FBN3: variants seen among roughly 807,000 people sequenced by gnomAD.
The protein encoded by FBN3 is fibrillin-3.
A neutral mutation model predicts 330.1 loss-of-function variants in FBN3; 234 were observed. The ratio of observed to expected loss-of-function variants is 0.71; its 90% CI spans 0.64 to 0.79. The LOEUF (loss-of-function observed/expected upper bound fraction) is 0.79. Ranked by LOEUF, FBN3 falls within the 30% of genes least tolerant of loss-of-function variation. The pLI is 0.00. For synonymous variants in FBN3, 1,458 were observed against 1,517.3 expected (o/e 0.96, Z 0.91); for missense variants, 3,606 against 3,886.9 (o/e 0.93, Z 1.92).
intron 63 of FBN3, among the ~76,000 whole-genome samples, chr19:8,067,930 G>A (rs1182062381): frequency 6.6e-6 from 1 of 151,954 alleles, no homozygotes; most frequent in Non-Finnish European, 1.5e-5. Context: ...CAGGTGTGGT[G>A]TTGCACACCT....
chr19:8,067,315 A>C (rs969228575), intron 63 of FBN3, among the ~76,000 whole-genome samples: 5 of 151,842 alleles, frequency 3.3e-5, no homozygotes, highest in Admixed American at 3.3e-4. Context: ...CAGTAGAGAC[A>C]GGGTTTCACT....
chr19:8,080,383 C>A (rs941100546), intron 59 of FBN3, among the ~76,000 whole-genome samples: 1 of 152,186 alleles, frequency 6.6e-6, no homozygotes, highest in Non-Finnish European at 1.5e-5. Context: ...CTGATTTCCT[C>A]CTGGGACTAT....
chr19:8,135,936 G>GTGCC, intron 13 of FBN3, 25 bp downstream of exon 13: 6 of 668,778 alleles, frequency 9.0e-6, no homozygotes, highest in South Asian at 3.2e-5. Flanking sequence ...GGAAGCCCCT[G>GTGCC]CCCACCCGCC....
In FBN3 at chr19:8,085,530, G is replaced by A; in HGVS notation, c.6920C>T (p.Thr2307Ile). ...GCTGCTGGACAGAGACCGGCACATG[G>A]TCTGCAGCACCTCGGCAAAGCAGGG... ...QGPCFAEVLQ[T>I]MCRSLSSSSE... The change falls in exon 56 of 64, where the codon ACC becomes ATC. Residue 2307 changes from threonine (T) to isoleucine (I), a missense_variant. By Grantham distance (89) the Thr-to-Ile change is moderately conservative (BLOSUM62 -1). Transcript: ENST00000600128. 6.3e-7 allele frequency: 1 copy of A among 1,592,354 alleles called. No homozygotes were observed. Among genetic ancestry groups the A allele is most frequent in the South Asian group, 1.1e-5 (1 of 87,722 alleles).
In FBN3 at chr19:8,073,047, C is replaced by T; in HGVS notation, c.7937+16G>A. The T allele has an allele frequency of 6.3e-7, 1 of 1,576,192 alleles. No individual in the cohort carries two copies. Among genetic ancestry groups the T allele is most frequent in the Non-Finnish European group, 8.7e-7 (1 of 1,154,886 alleles). ...TGCGGGGCATGGAGTCTGCTTGCCC[C>T]ACTCCAGCCTCTCACCCTTGCCCAG... On this transcript the variant is annotated intron_variant, in intron 62 of 63. Transcript: ENST00000600128.
intron 59 of FBN3, among the ~76,000 whole-genome samples, chr19:8,079,584 T>G (rs2081725596): frequency 9.0e-6 from 1 of 110,932 alleles, no homozygotes; most frequent in African/African-American, 4.4e-5. Context: ...CACACTATTC[T>G]GTTAATTGTT....
In FBN3 at chr19:8,069,534, CTT is replaced by C. The variant is rs2081467021; in HGVS notation, c.8088+2512_8088+2513del. Among the ~76,000 whole-genome samples, 8 of 152,138 alleles carry C rather than the reference CTT, an allele frequency of 5.3e-5. No homozygotes were observed. The South Asian group carries it at 1.7e-3, about 32-fold the overall frequency. ...TTCTTCCCACGGAATGTTGTTAAGA[CTT>C]ATGCTCTTACTGACCCCTGCTGGCA... On this transcript the variant is annotated intron_variant, in intron 63 of 63. Coordinates refer to ENST00000600128, the MANE Select transcript of FBN3 (RefSeq NM_032447.5).
At chr19:8,102,955 T>C in intron 39 of FBN3, 82 bp from the exon 40 acceptor site, 1 of 1,366,110 alleles carries the variant, frequency 7.3e-7, no homozygotes, top group Non-Finnish European at 1.0e-6. Flanking sequence ...TAGGAACTCC[T>C]TAACTGATTC....
At chr19:8,148,536 T>C (rs1177654591) in intron 1 of FBN3, among the ~76,000 whole-genome samples, 1 of 151,926 alleles carries the variant, frequency 6.6e-6, no homozygotes, top group Admixed American at 6.6e-5. Flanking sequence ...CTTGGCTGGG[T>C]CTTTCCTGGG....
chr19:8,094,224 T>C (rs2144717644), intron 47 of FBN3, among the ~76,000 whole-genome samples: 1 of 152,306 alleles, frequency 6.6e-6, no homozygotes, highest in South Asian at 2.1e-4. Context: ...CCCATGTCAA[T>C]TTATAGGATT....
chr19:8,144,993 T>C, intron 5 of FBN3, 21 bp from the exon 6 acceptor site: 2 of 1,591,176 alleles, frequency 1.3e-6, no homozygotes, highest in Non-Finnish European at 1.7e-6. Context: ...GAGAGGGTGA[T>C]GGCTGGAGGT....
At chr19:8,123,396 C>T (rs1478635812) in intron 24 of FBN3, 68 bp downstream of exon 24, 20 of 1,514,940 alleles carry the variant, frequency 1.3e-5, no homozygotes, top group African/African-American at 5.5e-5. Flanking sequence ...GTTGTCTCTA[C>T]GTCTTATTTG....
rs181718091 is a variant in FBN3, at chr19:8,089,939, G to C, written c.6205C>G (p.Pro2069Ala). Reference protein sequence around the residue: ...EGSAAFQELCPFGHGAVPGPD... With the variant: ...EGSAAFQELCAFGHGAVPGPD... ...CCTGGGACTGCCCCGTGGCCAAAGG[G>C]GCAGAGCTCCTGAAAGGCAGCTGGA... The change falls in exon 50 of 64, where the codon CCC becomes GCC. Residue 2069 changes from proline to alanine, a missense_variant. Physicochemically the swap from Pro to Ala is conservative, Grantham distance 27 (BLOSUM62 -1). Transcript: ENST00000600128. 47 of 1,610,190 alleles carry C rather than the reference G, an allele frequency of 2.9e-5. No homozygotes were observed. Among genetic ancestry groups the C allele is most frequent in the East Asian group, 2.2e-5 (1 of 44,810 alleles).
rs1469884058 is a variant in FBN3 at position 8,147,202 on chromosome 19, G to A, written c.168-16C>T. On this transcript the variant is annotated splice_polypyrimidine_tract_variant and intron_variant, in intron 2 of 63. Coordinates refer to ENST00000600128, the MANE Select transcript of FBN3 (RefSeq NM_032447.5). ...CACATTCGGCCTTCGGGGACAGCGAGATGGGTCTGGTGAGCCCCTGCCCGT... is the reference window on the plus strand; with the variant it reads ...CACATTCGGCCTTCGGGGACAGCGAAATGGGTCTGGTGAGCCCCTGCCCGT... 6.4e-7 allele frequency: 1 copy of A among 1,562,004 alleles called. No homozygotes were observed. Among genetic ancestry groups the A allele is most frequent in the African/African-American group, 1.4e-5 (1 of 73,820 alleles).
chr19:8,095,674 A>G (rs909864279), intron 45 of FBN3, among the ~76,000 whole-genome samples, 171 bp from the exon 46 acceptor site: 4 of 152,154 alleles, frequency 2.6e-5, no homozygotes, highest in Admixed American at 1.3e-4. Flanking sequence ...GTAGTTGCTG[A>G]TATTTTCTAA....
chr19:8,104,287 C>T (rs1198736470), intron 38 of FBN3, among the ~76,000 whole-genome samples: 1 of 149,814 alleles, frequency 6.7e-6, no homozygotes, highest in East Asian at 2.0e-4. Flanking sequence ...GCCTGGGCAA[C>T]ATAGTGAGGT....
In FBN3 at chr19:8,149,150, G is replaced by A. The variant is rs2083618813; in HGVS notation, c.-18+299C>T. 6.6e-6 allele frequency among the ~76,000 whole-genome samples: 1 copy of A among 151,856 alleles called. No individual in the cohort carries two copies. The highest frequency in any genetic ancestry group is 1.5e-5 in the Non-Finnish European group (1 of 67,898). ...GGAGGGGGCGCCCCCGGAGCCCGCGGGGCGCGATCTCCACCCGGCAGGGCC... is the reference window on the plus strand; with the variant it reads ...GGAGGGGGCGCCCCCGGAGCCCGCGAGGCGCGATCTCCACCCGGCAGGGCC... On this transcript the variant is annotated intron_variant, in intron 1 of 63. Transcript: ENST00000600128. The surrounding 1 kb of genome is among the most constrained non-coding windows in gnomAD (Gnocchi z 5.5).
At position 8,109,606 on chromosome 19, in the gene FBN3, G is replaced by C. The variant is rs371334063; in HGVS notation, c.4456+25C>G. 1 of 1,581,216 alleles carries C rather than the reference G, an allele frequency of 6.3e-7. No individual in the cohort carries two copies. The highest frequency in any genetic ancestry group is 1.3e-5 in the African/African-American group (1 of 74,234). On this transcript the variant is annotated intron_variant, in intron 35 of 63. Coordinates refer to ENST00000600128, the MANE Select transcript of FBN3 (RefSeq NM_032447.5). This position sits in a 1 kb window ranked among gnomAD's most constrained non-coding sequence, Gnocchi z 5.2. ...CCACCTCTGCTGACCCCAGAACCCT[G>C]ATCTGGAGTTGAGCATGGACTCACC...
chr19:8,074,712 T>C (rs2081599223), intron 61 of FBN3: 1 of 205,396 alleles, frequency 4.9e-6, no homozygotes, highest in African/African-American at 2.3e-5. Flanking sequence ...CACACCTCCA[T>C]TGCCCCTTGC....
Sources: allele counts gnomAD v4.1 joint callset (sites outside exome capture counted in the v4.1 genomes callset), GRCh38; gene constraint gnomAD v4.1.1; non-coding constraint Gnocchi (gnomAD v3.1); transcripts MANE v1.5; gene names NCBI Gene and HGNC (gene_info 2026-07-23, HGNC 2026-07-21).